The following CNBD1 variants were observed in gnomAD, a reference collection of about 807,000 sequenced individuals.
The protein encoded by CNBD1 is cyclic nucleotide binding domain containing 1, also known as cyclic nucleotide-binding domain-containing protein 1.
In CNBD1, 71 loss-of-function variants were observed where a neutral mutation model predicts 54.4. That is an observed-to-expected ratio of 1.30 (90% confidence interval 1.08 to 1.59). The LOEUF (loss-of-function observed/expected upper bound fraction) is 1.59, where lower values mean the gene tolerates loss of function less well. CNBD1 is among the 40% of genes most tolerant of loss of function. The pLI, the probability that CNBD1 is intolerant of heterozygous loss-of-function variation, is 0.00. For synonymous variants in CNBD1, 182 were observed against 170.7 expected (o/e 1.07, Z -0.51); for missense variants, 659 against 518.0 (o/e 1.27, Z -2.64).
intron 8 of CNBD1, among the ~76,000 whole-genome samples, chr8:87,321,498 G>A (rs915849028): frequency 6.6e-6 from 1 of 152,128 alleles, no homozygotes; most frequent in Admixed American, 6.6e-5. Flanking sequence ...TGTCTTTGGA[G>A]AAATATCTAT....
At chr8:87,334,043 C>T (rs1809891726) in intron 8 of CNBD1, among the ~76,000 whole-genome samples, 1 of 152,074 alleles carries the variant, frequency 6.6e-6, no homozygotes. Flanking sequence ...CTGTTTATTA[C>T]TGCCTGAATT....
intron 8 of CNBD1, among the ~76,000 whole-genome samples, chr8:87,337,541 G>A (rs1290813325): frequency 6.6e-6 from 1 of 152,350 alleles, no homozygotes; most frequent in South Asian, 2.1e-4. Flanking sequence ...GCCAATTCTA[G>A]CTGAGTGGCT....
At chr8:87,061,071 T>G (rs566610405) in intron 4 of CNBD1, among the ~76,000 whole-genome samples, 1 of 152,308 alleles carries the variant, frequency 6.6e-6, no homozygotes, top group Non-Finnish European at 1.5e-5. Context: ...AATATAAAAT[T>G]CCTTTTCAAA....
intron 4 of CNBD1, among the ~76,000 whole-genome samples, chr8:87,087,218 A>G (rs1255167757): frequency 6.9e-6 from 1 of 144,592 alleles, no homozygotes; most frequent in Non-Finnish European, 1.5e-5. Context: ...CCCAGTATCT[A>G]TTCTACACAC....
intron 4 of CNBD1, among the ~76,000 whole-genome samples, chr8:87,018,326 A>G (rs1368850580): frequency 1.3e-5 from 2 of 152,208 alleles, no homozygotes; most frequent in Non-Finnish European, 1.5e-5. Flanking sequence ...AGGCAAACAT[A>G]ATAAGCCTAA....
chr8:86,892,771 T>A (rs1418009758), intron 2 of CNBD1, among the ~76,000 whole-genome samples: 1 of 152,178 alleles, frequency 6.6e-6, no homozygotes, highest in Non-Finnish European at 1.5e-5. Flanking sequence ...TTTCAAAATA[T>A]CTTACTTTCC....
intron 2 of CNBD1, among the ~76,000 whole-genome samples, chr8:87,404,048 C>T (rs1474370909): frequency 6.6e-6 from 1 of 151,956 alleles, no homozygotes; most frequent in Non-Finnish European, 1.5e-5. Context: ...CTGCATGCAT[C>T]CTGTTGAGGA....
chr8:87,271,833 T>C (rs1015005444), intron 6 of CNBD1, among the ~76,000 whole-genome samples: 1 of 149,556 alleles, frequency 6.7e-6, no homozygotes, highest in African/African-American at 2.6e-5. Flanking sequence ...CTATTCACAG[T>C]AGCCCAGATA....
chr8:87,171,275 C>T (rs990198694), intron 4 of CNBD1, among the ~76,000 whole-genome samples: 1 of 151,986 alleles, frequency 6.6e-6, no homozygotes, highest in African/African-American at 2.4e-5. Flanking sequence ...GGAATTTTGT[C>T]ATATCTTCTA....
intron 1 of CNBD1, among the ~76,000 whole-genome samples, chr8:86,870,371 A>AT (rs1266931724): frequency 6.6e-6 from 1 of 150,918 alleles, no homozygotes; most frequent in Admixed American, 6.6e-5. Context: ...ATTTTTTTGT[A>AT]TTTTTTTAGT....
intron 6 of CNBD1, among the ~76,000 whole-genome samples, chr8:87,270,086 G>A (rs971525517): frequency 2.2e-4 from 33 of 151,876 alleles, no homozygotes; most frequent in African/African-American, 7.2e-4. Flanking sequence ...TTATTCCTGG[G>A]GTACAAGACT....
chr8:87,064,678 A>C (rs1382809297), intron 4 of CNBD1, among the ~76,000 whole-genome samples: 1 of 151,758 alleles, frequency 6.6e-6, no homozygotes, highest in East Asian at 1.9e-4. Flanking sequence ...CCACCTTCCT[A>C]GTTTTTGTTT....
chr8:87,346,930 G>T (rs2130924282), intron 8 of CNBD1, among the ~76,000 whole-genome samples: 1 of 152,258 alleles, frequency 6.6e-6, no homozygotes, highest in South Asian at 2.1e-4. Flanking sequence ...AATTTTCAGA[G>T]ACTTGCTACC....
At chr8:87,269,426 A>C (rs112236152) in intron 6 of CNBD1, among the ~76,000 whole-genome samples, 6 of 152,154 alleles carry the variant, frequency 3.9e-5, no homozygotes, top group African/African-American at 1.4e-4. Flanking sequence ...TTCCATATGA[A>C]TTTTGTAATT....
At chr8:87,341,541 C>A (rs1482334577) in intron 8 of CNBD1, among the ~76,000 whole-genome samples, 2 of 152,144 alleles carry the variant, frequency 1.3e-5, no homozygotes, top group Non-Finnish European at 2.9e-5. Context: ...CTACAAAATT[C>A]ATGTTAAAAT....
At chr8:87,148,049 A>G (rs1269833931) in intron 4 of CNBD1, among the ~76,000 whole-genome samples, 6 of 152,154 alleles carry the variant, frequency 3.9e-5, no homozygotes, top group Non-Finnish European at 7.4e-5. Context: ...GTATGTATTG[A>G]AGAAAATACA....
At chr8:87,423,627 C>T (rs1420606784) in intron 2 of CNBD1, among the ~76,000 whole-genome samples, 10 of 147,006 alleles carry the variant, frequency 6.8e-5, no homozygotes, top group South Asian at 4.3e-4. Context: ...GGATGAAGCC[C>T]ACTTGATCAT....
chr8:86,979,402 C>CAAAAA (rs776634552), intron 4 of CNBD1, among the ~76,000 whole-genome samples: 2 of 10,390 alleles, frequency 1.9e-4, no homozygotes, highest in African/African-American at 4.3e-4. Flanking sequence ...ATCATCTCTA[C>CAAAAA]AAAAAAAAAA....
At chr8:87,139,484 T>C (rs1357275917) in intron 4 of CNBD1, among the ~76,000 whole-genome samples, 1 of 152,170 alleles carries the variant, frequency 6.6e-6, no homozygotes, top group Non-Finnish European at 1.5e-5. Context: ...TCGTTTCATA[T>C]TTCCCTGTGC....
Sources: gnomAD v4.1 joint callset for allele counts (sites outside exome capture counted in the v4.1 genomes callset) on GRCh38, gnomAD v4.1.1 for gene constraint, MANE v1.5 for transcripts, NCBI Gene and HGNC (gene_info 2026-07-23, HGNC 2026-07-21) for gene names.